Variants in NELL1 observed in about 807,000 individuals in gnomAD.
NELL1 encodes neural EGFL like 1.
NELL1 carries 76 observed loss-of-function variants against 107.4 expected under a neutral mutation model. The ratio of observed to expected loss-of-function variants is 0.71; its 90% CI spans 0.59 to 0.86. NELL1 has a LOEUF of 0.86. Ranked by LOEUF, NELL1 falls within the 40% of genes least tolerant of loss-of-function variation. The pLI, the probability that NELL1 is intolerant of heterozygous loss-of-function variation, is 0.00. For missense variants in NELL1, 1,024 were observed against 1,005.5 expected, an observed-to-expected ratio of 1.02 and a Z score of -0.25; for synonymous variants, 353 against 341.2, an observed-to-expected ratio of 1.03 and a Z score of -0.38.
intron 14 of NELL1, among the ~76,000 whole-genome samples, chr11:21,243,533 A>G (rs772324909): frequency 3.9e-5 from 6 of 152,120 alleles, no homozygotes; most frequent in South Asian, 2.1e-4. Flanking sequence ...GCAAATTGTA[A>G]TGAATTTCTT....
chr11:20,703,227 G>T (rs1854844682), intron 2 of NELL1, among the ~76,000 whole-genome samples: 1 of 152,082 alleles, frequency 6.6e-6, no homozygotes. Context: ...GTTTAGTGTT[G>T]GGAGGGTGTA....
chr11:20,866,935 A>G (rs940005492), intron 4 of NELL1, among the ~76,000 whole-genome samples: 4 of 152,226 alleles, frequency 2.6e-5, no homozygotes, highest in African/African-American at 7.2e-5. Context: ...TGGACATTCA[A>G]CAATATTTGT....
intron 2 of NELL1, among the ~76,000 whole-genome samples, chr11:20,688,745 A>G (rs902631254): frequency 3.9e-5 from 6 of 152,068 alleles, no homozygotes; most frequent in African/African-American, 1.4e-4. Context: ...TTTTGGATAT[A>G]TGTATTATAT....
intron 14 of NELL1, among the ~76,000 whole-genome samples, chr11:21,361,990 C>T (rs1055440859): frequency 3.9e-5 from 6 of 152,260 alleles, no homozygotes; most frequent in Admixed American, 3.9e-4. Context: ...TCTAGCAATT[C>T]AGAGACTTCT....
At chr11:20,726,809 A>G (rs1002646216) in intron 2 of NELL1, among the ~76,000 whole-genome samples, 3 of 139,954 alleles carry the variant, frequency 2.1e-5, no homozygotes, top group Non-Finnish European at 3.0e-5. Flanking sequence ...AAGTGTTCTC[A>G]TTGTTCAGTT....
chr11:20,818,279 T>C (rs1377719349), intron 3 of NELL1, among the ~76,000 whole-genome samples: 1 of 152,194 alleles, frequency 6.6e-6, no homozygotes, highest in African/African-American at 2.4e-5. Context: ...TGGGTGCATA[T>C]CTATTTATTA....
At chr11:21,086,866 C>T (rs1377742773) in intron 12 of NELL1, among the ~76,000 whole-genome samples, 3 of 134,998 alleles carry the variant, frequency 2.2e-5, no homozygotes, top group Non-Finnish European at 4.6e-5. Flanking sequence ...GAGTCTCACT[C>T]TGTCGCCCAG....
chr11:20,886,962 C>A (rs1246977588), intron 5 of NELL1, among the ~76,000 whole-genome samples: 1 of 152,010 alleles, frequency 6.6e-6, no homozygotes, highest in Non-Finnish European at 1.5e-5. Flanking sequence ...GATAAAGAAC[C>A]ATTTCTTTAT....
intron 12 of NELL1, among the ~76,000 whole-genome samples, chr11:21,015,863 G>T (rs1002162473): frequency 5.9e-5 from 9 of 152,174 alleles, no homozygotes; most frequent in Admixed American, 5.9e-4. Flanking sequence ...CAAGCCTCCT[G>T]CTAATCATCC....
chr11:20,906,120 C>T (rs1393589903), intron 5 of NELL1, among the ~76,000 whole-genome samples: 1 of 152,030 alleles, frequency 6.6e-6, no homozygotes, highest in Non-Finnish European at 1.5e-5. Flanking sequence ...GACCAGAAGG[C>T]AATGGGTTGT....
intron 13 of NELL1, among the ~76,000 whole-genome samples, chr11:21,192,557 T>G (rs916278582): frequency 6.6e-6 from 1 of 151,902 alleles, no homozygotes; most frequent in African/African-American, 2.4e-5. Flanking sequence ...TTCATTTTCA[T>G]AAACATATGG....
At chr11:21,180,497 G>A (rs910451185) in intron 13 of NELL1, among the ~76,000 whole-genome samples, 1 of 151,746 alleles carries the variant, frequency 6.6e-6, no homozygotes, top group African/African-American at 2.4e-5. Flanking sequence ...AAGATCAAGA[G>A]TAGACAATTT....
intron 14 of NELL1, among the ~76,000 whole-genome samples, chr11:21,241,045 T>C (rs1454001): frequency 0.31 from 47,178 of 151,852 alleles, 7,695 homozygotes; most frequent in East Asian, 0.54. Flanking sequence ...AAATGACCCA[T>C]AAGATTAGCA....
chr11:20,924,837 A>T (rs535542318), intron 7 of NELL1, among the ~76,000 whole-genome samples: 20 of 152,218 alleles, frequency 1.3e-4, no homozygotes, highest in Non-Finnish European at 2.9e-5. Context: ...AGTAAAGATA[A>T]GTGATAAGTT....
chr11:21,458,141 A>G (rs1288221778), intron 15 of NELL1, among the ~76,000 whole-genome samples: 1 of 152,198 alleles, frequency 6.6e-6, no homozygotes, highest in Non-Finnish European at 1.5e-5. Context: ...AGTAGGTAAA[A>G]CACTTAAATA....
At chr11:20,821,858 A>C (rs1385605476) in intron 3 of NELL1, among the ~76,000 whole-genome samples, 2 of 152,220 alleles carry the variant, frequency 1.3e-5, no homozygotes, top group African/African-American at 4.8e-5. Context: ...ACTGGGGAGC[A>C]CTTGCTTAGC....
At chr11:21,429,753 G>A (rs980389396) in intron 15 of NELL1, among the ~76,000 whole-genome samples, 15 of 152,160 alleles carry the variant, frequency 9.9e-5, no homozygotes, top group Admixed American at 8.5e-4. Context: ...GAGCAGGAAA[G>A]TCCCTTGTCT....
At chr11:21,351,813 C>T (rs1310745631) in intron 14 of NELL1, among the ~76,000 whole-genome samples, 2 of 152,118 alleles carry the variant, frequency 1.3e-5, no homozygotes, top group Non-Finnish European at 2.9e-5. Flanking sequence ...TTTCTTAACA[C>T]GTTAGTCAGA....
chr11:20,907,866 A>G (rs1850038353), intron 5 of NELL1, among the ~76,000 whole-genome samples: 1 of 152,216 alleles, frequency 6.6e-6, no homozygotes, highest in Admixed American at 6.5e-5. Flanking sequence ...ATTTATGAGA[A>G]AAACTTCATC....
Sources: allele counts gnomAD v4.1 joint callset (sites outside exome capture counted in the v4.1 genomes callset), GRCh38; gene constraint gnomAD v4.1.1; transcripts MANE v1.5; gene names NCBI Gene and HGNC (gene_info 2026-07-23, HGNC 2026-07-21).